The following ST3GAL1 variants were observed in gnomAD, a reference collection of about 807,000 sequenced individuals.
ST3GAL1 encodes the protein CMP-N-acetylneuraminate-beta-galactosamide-alpha-2,3-sialyltransferase 1.
ST3GAL1 carries 16 observed loss-of-function variants against 34.1 expected under a neutral mutation model. The ratio of observed to expected loss-of-function variants is 0.47; its 90% CI spans 0.32 to 0.71. The LOEUF (loss-of-function observed/expected upper bound fraction) is 0.71. Among genes scored for constraint, ST3GAL1 ranks in the 30% least tolerant of loss-of-function variants. ST3GAL1 has a pLI of 0.04. For synonymous variants in ST3GAL1, 191 were observed against 184.7 expected, an observed-to-expected ratio of 1.03 and a Z score of -0.28; for missense variants, 353 against 447.4, an observed-to-expected ratio of 0.79 and a Z score of 1.90.
intron 3 of ST3GAL1, among the ~76,000 whole-genome samples, chr8:133,482,800 T>C (rs1055744276): frequency 6.6e-6 from 1 of 152,188 alleles, no homozygotes; most frequent in Non-Finnish European, 1.5e-5. Context: ...GAAGAATGAC[T>C]CCTTTCTGAA....
chr8:133,553,091 C>T (rs1241253380), intron 1 of ST3GAL1, among the ~76,000 whole-genome samples: 2 of 152,118 alleles, frequency 1.3e-5, no homozygotes. Flanking sequence ...AGAGACGGCG[C>T]CAGGGCTGAC....
chr8:133,471,769 G>A (rs1321745495), intron 5 of ST3GAL1, among the ~76,000 whole-genome samples: 2 of 152,090 alleles, frequency 1.3e-5, no homozygotes, highest in African/African-American at 2.4e-5. Flanking sequence ...GCTGGGCCCA[G>A]GACCTGGCCA....
At chr8:133,482,101 C>T (rs1010548800) in intron 3 of ST3GAL1, among the ~76,000 whole-genome samples, 13 of 152,124 alleles carry the variant, frequency 8.5e-5, no homozygotes, top group Admixed American at 7.2e-4. Flanking sequence ...AAAATCAGCA[C>T]ATACCTCGTG....
At chr8:133,463,972 C>G (rs1815625957) in intron 7 of ST3GAL1, among the ~76,000 whole-genome samples, 1 of 151,930 alleles carries the variant, frequency 6.6e-6, no homozygotes, top group African/African-American at 2.4e-5. Context: ...CCCCACCCCG[C>G]CCCGGTCTGC....
At chr8:133,501,572 A>C (rs1817156219) in intron 2 of ST3GAL1, among the ~76,000 whole-genome samples, 1 of 152,148 alleles carries the variant, frequency 6.6e-6, no homozygotes, top group Non-Finnish European at 1.5e-5. Flanking sequence ...AACATGGTGA[A>C]ACCCTGTCTC....
chr8:133,540,779 AC>A (rs1818451602), intron 2 of ST3GAL1, among the ~76,000 whole-genome samples: 1 of 80,380 alleles, frequency 1.2e-5, no homozygotes. Context: ...ATATATAGAG[AC>A]ATATATATAT....
intron 1 of ST3GAL1, among the ~76,000 whole-genome samples, chr8:133,558,009 CTT>C (rs1819109625): frequency 6.6e-6 from 1 of 152,092 alleles, no homozygotes; most frequent in Admixed American, 6.5e-5. Flanking sequence ...GATACCCTAG[CTT>C]CACAGCCCAG....
chr8:133,480,731 CTT>C (rs1268391508), intron 3 of ST3GAL1, among the ~76,000 whole-genome samples: 1 of 152,234 alleles, frequency 6.6e-6, no homozygotes, highest in Non-Finnish European at 1.5e-5. Context: ...TCTCCTGTGG[CTT>C]TCTGTGTAGC....
intron 5 of ST3GAL1, among the ~76,000 whole-genome samples, chr8:133,474,416 G>A (rs1816079136): frequency 6.6e-6 from 1 of 152,182 alleles, no homozygotes. Context: ...AATAAGACAT[G>A]AACACATATA....
rs545136052 is a variant in ST3GAL1 at position 133,486,041 on chromosome 8, C to T, written c.-373-9441G>A. ...ACAATACCGGTGCACATTGGCTGGGCCCACAACAAGCTCCCGATGAAGGTA... is the reference window on the plus strand; with the variant it reads ...ACAATACCGGTGCACATTGGCTGGGTCCACAACAAGCTCCCGATGAAGGTA... On this transcript the variant is annotated intron_variant, in intron 3 of 9. Transcript: ENST00000522652. 1.6e-4 allele frequency among the ~76,000 whole-genome samples: 25 copies of T among 152,322 alleles called. No homozygotes were observed. The South Asian group carries it at 3.3e-3, about 20-fold the overall frequency.
Position 133,461,801 on chromosome 8 carries a change from C to A in ST3GAL1, c.849+74G>T, listed in dbSNP as rs538620781. 15 of 1,591,846 alleles carry A rather than the reference C, an allele frequency of 9.4e-6. No homozygotes were observed. Among genetic ancestry groups the A allele is most frequent in the Middle Eastern group, 1.7e-4 (1 of 5,830 alleles). On this transcript the variant is annotated intron_variant, in intron 9 of 9. Coordinates refer to ENST00000522652, the MANE Select transcript of ST3GAL1 (RefSeq NM_173344.3). This position sits in a 1 kb window ranked among gnomAD's most constrained non-coding sequence, Gnocchi z 4.7. Reference sequence around the variant, plus strand: ...CAGGCTAGGTCTACCTGCCCTCCCCCTCCCTGGCCTCTCTTGGGAACACAG... The same window carrying A: ...CAGGCTAGGTCTACCTGCCCTCCCCATCCCTGGCCTCTCTTGGGAACACAG...
At chr8:133,474,276 C>T (rs1007823717) in intron 5 of ST3GAL1, among the ~76,000 whole-genome samples, 17 of 152,164 alleles carry the variant, frequency 1.1e-4, no homozygotes, top group African/African-American at 3.9e-4. Flanking sequence ...TCCTGCACAG[C>T]ACCTATGGTC....
intron 1 of ST3GAL1, among the ~76,000 whole-genome samples, chr8:133,567,905 A>G (rs1229775796): frequency 6.9e-6 from 1 of 145,336 alleles, no homozygotes; most frequent in Admixed American, 7.1e-5. Context: ...CGGGCAGCAG[A>G]ACTCTAAAGC....
intron 2 of ST3GAL1, among the ~76,000 whole-genome samples, chr8:133,504,941 G>A (rs369057259): frequency 1.0e-3 from 159 of 152,170 alleles, no homozygotes; most frequent in Middle Eastern, 3.4e-3. Flanking sequence ...GAGAATCCAC[G>A]ATCTCGAAGT....
intron 3 of ST3GAL1, among the ~76,000 whole-genome samples, chr8:133,485,028 C>A (rs1980417): frequency 0.9 from 136,458 of 152,194 alleles, 61,830 homozygotes; most frequent in East Asian, 1. Flanking sequence ...TGGCTCAAAT[C>A]CCATATTGAG....
At chr8:133,486,355 C>T (rs963285983) in intron 3 of ST3GAL1, among the ~76,000 whole-genome samples, 7 of 152,204 alleles carry the variant, frequency 4.6e-5, no homozygotes, top group Non-Finnish European at 7.4e-5. Flanking sequence ...CTGGCAGGGG[C>T]GAGTGTGAGC....
At chr8:133,503,684 A>G (rs1817251633) in intron 2 of ST3GAL1, among the ~76,000 whole-genome samples, 1 of 152,164 alleles carries the variant, frequency 6.6e-6, no homozygotes, top group Non-Finnish European at 1.5e-5. Context: ...CCTAGGCCTT[A>G]TCGTTAACAA....
chr8:133,490,691 T>C (rs1005776424), intron 3 of ST3GAL1, among the ~76,000 whole-genome samples: 1 of 152,174 alleles, frequency 6.6e-6, no homozygotes, highest in East Asian at 1.9e-4. Context: ...CAGGGCGCCC[T>C]TCAGAGGGGC....
chr8:133,551,605 AGAAAGAAAGAAAGAGC>A (rs902235952), intron 1 of ST3GAL1, among the ~76,000 whole-genome samples: 3 of 144,692 alleles, frequency 2.1e-5, no homozygotes, highest in Admixed American at 1.4e-4. Context: ...AAAGAAAGAA[AGAAAGAAAGAAAGAGC>A]GAGCAAGCCT....
Sources: allele counts gnomAD v4.1 joint callset (sites outside exome capture counted in the v4.1 genomes callset), GRCh38; gene constraint gnomAD v4.1.1; non-coding constraint Gnocchi (gnomAD v3.1); transcripts MANE v1.5; gene names NCBI Gene and HGNC (gene_info 2026-07-23, HGNC 2026-07-21).